The following MRTFA variants were observed in gnomAD, a reference collection of about 807,000 sequenced individuals.
MRTFA encodes myocardin related transcription factor A.
In MRTFA, 20 loss-of-function variants were observed where a neutral mutation model predicts 83.5. That is an observed-to-expected ratio of 0.24 (90% CI 0.17 to 0.35). The LOEUF is 0.35. MRTFA is among the 10% of genes least tolerant of loss of function. The pLI is 1.00. For synonymous variants in MRTFA, 659 were observed against 541.2 expected (o/e 1.22, Z -3.02); for missense variants, 1,200 against 1,224.7 (o/e 0.98, Z 0.30).
At chr22:40,461,908 T>C (rs991936753) in intron 4 of MRTFA, among the ~76,000 whole-genome samples, 5 of 152,190 alleles carry the variant, frequency 3.3e-5, no homozygotes, top group Admixed American at 3.3e-4. Flanking sequence ...CTTCTCTCTC[T>C]CCACCATGCC....
intron 3 of MRTFA, among the ~76,000 whole-genome samples, chr22:40,464,120 G>A (rs552091201): frequency 2.2e-4 from 34 of 151,962 alleles, no homozygotes; most frequent in African/African-American, 8.0e-4. Context: ...GGCCAAGACA[G>A]TGAAACCCCA....
chr22:40,567,823 G>A (rs867194437), intron 2 of MRTFA, among the ~76,000 whole-genome samples: 9 of 152,138 alleles, frequency 5.9e-5, no homozygotes, highest in Admixed American at 1.3e-4. Flanking sequence ...TGACAATGGG[G>A]CATTTGAAGA....
chr22:40,490,057 G>C (rs2054246514), intron 3 of MRTFA, among the ~76,000 whole-genome samples: 1 of 150,766 alleles, frequency 6.6e-6, no homozygotes, highest in Non-Finnish European at 1.5e-5. Context: ...CTTATCACAA[G>C]CCTGAATCTC....
At chr22:40,531,309 G>C (rs1243956821) in intron 3 of MRTFA, among the ~76,000 whole-genome samples, 4 of 127,910 alleles carry the variant, frequency 3.1e-5, no homozygotes, top group Admixed American at 1.8e-4. Flanking sequence ...GATGGGTCTT[G>C]AACTCTTGGG....
At chr22:40,496,889 C>T (rs187927629) in intron 3 of MRTFA, among the ~76,000 whole-genome samples, 1 of 152,322 alleles carries the variant, frequency 6.6e-6, no homozygotes, top group Non-Finnish European at 1.5e-5. Context: ...TTACTAATCT[C>T]TACAAAGGAG....
chr22:40,513,914 T>C (rs866909339), intron 3 of MRTFA, among the ~76,000 whole-genome samples: 1 of 150,528 alleles, frequency 6.6e-6, no homozygotes, highest in African/African-American at 2.4e-5. Flanking sequence ...CTGGGCAACA[T>C]AGTGAGAGCC....
chr22:40,621,284 G>A (rs1010722754), intron 1 of MRTFA, among the ~76,000 whole-genome samples: 21 of 152,018 alleles, frequency 1.4e-4, no homozygotes, highest in African/African-American at 3.9e-4. Context: ...TCTTTCAGCC[G>A]TAAAAAGAAA....
intron 11 of MRTFA, among the ~76,000 whole-genome samples, chr22:40,419,902 C>T (rs2052791291): frequency 1.3e-5 from 2 of 152,230 alleles, no homozygotes; most frequent in African/African-American, 4.8e-5. Context: ...ACAGGCCGCT[C>T]TCTTCCCAGG....
chr22:40,583,299 G>C (rs887273602), intron 2 of MRTFA, among the ~76,000 whole-genome samples: 3 of 151,922 alleles, frequency 2.0e-5, no homozygotes, highest in Non-Finnish European at 4.4e-5. Flanking sequence ...TGACACTAGG[G>C]GCCCAGCTCA....
intron 3 of MRTFA, chr22:40,521,878 T>G: frequency 6.7e-6 from 1 of 149,846 alleles, no homozygotes; most frequent in Non-Finnish European, 1.5e-5. Context: ...TAAGACGGAG[T>G]CTTGTTCTGT....
At position 40,411,587 on chromosome 22, in the gene MRTFA, G is replaced by A. The variant is rs772211644; in HGVS notation, c.2899C>T (p.His967Tyr). ...GTGCTGCTGGGCTCAGGAACAAAGT[G>A]CAATTCCGAGGTGTCCATGGGTGAC... Residue 967 changes from histidine to tyrosine, a missense_variant, in exon 15 of 15, where the codon CAC becomes TAC. Around this residue, in one of 2 missense-constraint regions of MRTFA, gnomAD observed 1,107 missense variants for 1,041.8 expected, o/e 1.06. Transcript: ENST00000355630. 5.0e-6 allele frequency: 8 copies of A among 1,613,770 alleles called. 1 individual carries two copies. Among genetic ancestry groups the A allele is most frequent in the Middle Eastern group, 3.3e-4 (2 of 6,084 alleles).
intron 2 of MRTFA, among the ~76,000 whole-genome samples, chr22:40,560,232 A>G (rs1197701867): frequency 6.6e-6 from 1 of 152,212 alleles, no homozygotes; most frequent in African/African-American, 2.4e-5. Context: ...TATTATCTCT[A>G]CATTTGTATA....
At chr22:40,584,947 C>T (rs1245514854) in intron 2 of MRTFA, among the ~76,000 whole-genome samples, 2 of 151,790 alleles carry the variant, frequency 1.3e-5, no homozygotes, top group Non-Finnish European at 2.9e-5. Context: ...TGAGAGTCTG[C>T]GGTGGTAGGA....
intron 1 of MRTFA, among the ~76,000 whole-genome samples, chr22:40,615,100 C>T (rs2147421032): frequency 6.6e-6 from 1 of 151,630 alleles, no homozygotes; most frequent in Admixed American, 6.6e-5. Flanking sequence ...CCCATGATTT[C>T]TCCTATAAGT....
intron 3 of MRTFA, among the ~76,000 whole-genome samples, chr22:40,518,421 T>G (rs2054797042): frequency 8.4e-6 from 1 of 119,682 alleles, no homozygotes; most frequent in Non-Finnish European, 1.8e-5. Context: ...TGGTTGTTGG[T>G]GAGGGAAAAA....
At chr22:40,575,761 C>T (rs918820314) in intron 2 of MRTFA, among the ~76,000 whole-genome samples, 1 of 152,154 alleles carries the variant, frequency 6.6e-6, no homozygotes, top group African/African-American at 2.4e-5. Context: ...TAGGTTGGTG[C>T]AAAAGTAATT....
chr22:40,588,027 A>ATTTTT, intron 2 of MRTFA: 1 of 143,534 alleles, frequency 7.0e-6, no homozygotes, highest in Non-Finnish European at 1.5e-5. Flanking sequence ...ACACTCCAAC[A>ATTTTT]TTTTTTTTTT....
chr22:40,428,335 C>A (rs1325809979), intron 7 of MRTFA, among the ~76,000 whole-genome samples: 1 of 152,180 alleles, frequency 6.6e-6, no homozygotes, highest in Non-Finnish European at 1.5e-5. Context: ...CTGGTGTCCA[C>A]TGGAGAACTG....
intron 4 of MRTFA, among the ~76,000 whole-genome samples, chr22:40,460,780 T>C (rs993762445): frequency 1.3e-5 from 2 of 151,998 alleles, no homozygotes; most frequent in Non-Finnish European, 2.9e-5. Context: ...GAACTGGGGG[T>C]AGAGAGTCCT....
Sources: allele counts gnomAD v4.1 joint callset (sites outside exome capture counted in the v4.1 genomes callset), GRCh38; gene constraint gnomAD v4.1.1; regional missense constraint gnomAD v4.1.1; transcripts MANE v1.5; gene names NCBI Gene and HGNC (gene_info 2026-07-23, HGNC 2026-07-21).